GGT5: variants seen among roughly 807,000 people sequenced by gnomAD.
GGT5 encodes glutathione hydrolase 5 proenzyme.
GGT5 carries 50 observed loss-of-function variants against 58.1 expected under a neutral mutation model. That is an observed-to-expected ratio of 0.86 (90% CI 0.69 to 1.09). The LOEUF is 1.09. Ranked by LOEUF, GGT5 falls within the 50% of genes least tolerant of loss-of-function variation. The pLI, the probability that GGT5 is intolerant of heterozygous loss-of-function variation, is 0.00. For missense variants in GGT5, 800 were observed against 789.4 expected (o/e 1.01, Z -0.16); for synonymous variants, 370 against 346.1 (o/e 1.07, Z -0.77).
intron 1 of GGT5, among the ~76,000 whole-genome samples, chr22:24,237,653 T>C (rs8140559): frequency 0.5 from 75,699 of 151,692 alleles, 19,145 homozygotes; most frequent in Admixed American, 0.59. Flanking sequence ...GTGATCTGCC[T>C]GCCTTGGCCT....
chr22:24,225,525 G>T (rs201667511), intron 9 of GGT5, 21 bp downstream of exon 9: 1 of 1,593,478 alleles, frequency 6.3e-7, no homozygotes, highest in Non-Finnish European at 8.6e-7. Flanking sequence ...GTGGACCCCG[G>T]GTGGGAAGCT....
chr22:24,231,061 C>T (rs2047922326), intron 6 of GGT5, among the ~76,000 whole-genome samples: 1 of 152,188 alleles, frequency 6.6e-6, no homozygotes, highest in African/African-American at 2.4e-5. Flanking sequence ...AGGTGCACGC[C>T]CCTGACAGGC....
chr22:24,231,458 C>A lies in GGT5; in HGVS notation c.827G>T (p.Gly276Val). 6.4e-7 allele frequency: 1 copy of A among 1,571,632 alleles called. No homozygotes were observed. Reference sequence around the variant, plus strand: ...CGGTGGTGAGTACAGGGTATAGTCCCCCAGGGGCACCTCCAGGGCATCCAC... The same window carrying A: ...CGGTGGTGAGTACAGGGTATAGTCCACCAGGGGCACCTCCAGGGCATCCAC... ...EVVDALEVPL[G>V]DYTLYSPPPP... Residue 276 changes from glycine to valine, a missense_variant, in exon 6 of 12, where the codon GGG becomes GTG. Physicochemically the swap from Gly to Val is moderately radical, Grantham distance 109. Transcript: ENST00000327365.
At position 24,239,716 on chromosome 22, in the gene GGT5, G is replaced by A. The variant is rs553665581; in HGVS notation, c.173+4837C>T. Reference sequence around the variant, plus strand: ...ATATTTAAAATACACAAAAATATTAGCATATAAGTCACTGGGGGTAAATTT... The same window carrying A: ...ATATTTAAAATACACAAAAATATTAACATATAAGTCACTGGGGGTAAATTT... On this transcript the variant is annotated intron_variant, in intron 1 of 11. Transcript: ENST00000327365. Among the ~76,000 whole-genome samples the A allele has an allele frequency of 8.5e-5, 13 of 152,116 alleles. No individual in the cohort carries two copies. In the East Asian group the frequency reaches 2.5e-3, roughly 29 times the overall value.
Position 24,226,636 on chromosome 22 carries a change from G to C in GGT5, c.1033C>G (p.Leu345Val). The change falls in exon 7 of 12, where the codon CTC (leucine) becomes GTC (valine). Residue 345 changes from leucine (L) to valine (V), a missense_variant. Transcript: ENST00000327365. ...AGCAACCTCAGCAACCTCACCTGGAGCTTCGGGTGGCTTCGAGGGTCCCCC... is the reference window on the plus strand; with the variant it reads ...AGCAACCTCAGCAACCTCACCTGGACCTTCGGGTGGCTTCGAGGGTCCCCC... ...RLGDPRSHPK[L>V]QNASRDLLGE... 1 of 1,614,054 alleles carries C rather than the reference G, an allele frequency of 6.2e-7. No homozygotes were observed. Among genetic ancestry groups the C allele is most frequent in the Non-Finnish European group, 8.5e-7 (1 of 1,179,942 alleles).
intron 6 of GGT5, 32 bp from the exon 7 acceptor site, chr22:24,226,799 G>A: frequency 6.2e-7 from 1 of 1,610,014 alleles, no homozygotes. Flanking sequence ...GGTTGGTTGG[G>A]GTCACCCTAT....
At chr22:24,237,011 T>C (rs1255449503) in intron 1 of GGT5, among the ~76,000 whole-genome samples, 1 of 150,446 alleles carries the variant, frequency 6.6e-6, no homozygotes, top group Non-Finnish European at 1.5e-5. Flanking sequence ...TTCTCTCTTT[T>C]TTTTTTTTTT....
At position 24,236,632 on chromosome 22, in the gene GGT5, G is replaced by A. The variant is rs191602938; in HGVS notation, c.174-2628C>T. ...CAAAAAATTAGCTGGGCATGGTGGC[G>A]GGTGCCTGTAGTCCCAGCTACTCAG... On this transcript the variant is annotated intron_variant, in intron 1 of 11. Transcript: ENST00000327365. Among the ~76,000 whole-genome samples, 6 of 152,048 alleles carry A rather than the reference G, an allele frequency of 3.9e-5. No individual in the cohort carries two copies. In the East Asian group the frequency reaches 1.2e-3, roughly 29 times the overall value.
In GGT5 at chr22:24,226,703, A is replaced by G. The variant is rs771216765; in HGVS notation, c.966T>C (p.Leu322=). ...CCTTGGCAAACTTGAGCGTCTCTAC[A>G]AGGTGGTGGTACACGTTCACCCTCC... ...PEGRVNVYHH[L]VETLKFAKGQ... Residue 322 remains leucine, a synonymous_variant, in exon 7 of 12, where the codon CTT becomes CTC. Coordinates refer to ENST00000327365, the MANE Select transcript of GGT5 (RefSeq NM_004121.5). 3.1e-6 allele frequency: 5 copies of G among 1,613,714 alleles called. No individual in the cohort carries two copies. In the Admixed American group the frequency reaches 5.0e-5, roughly 16 times the overall value.
chr22:24,220,324 G>T (rs1027443318), intron 11 of GGT5, among the ~76,000 whole-genome samples: 1 of 152,198 alleles, frequency 6.6e-6, no homozygotes, highest in African/African-American at 2.4e-5. Context: ...CAGGGACTAT[G>T]TACGAAGGAC....
intron 4 of GGT5, 108 bp from the exon 5 acceptor site, chr22:24,232,316 T>G: frequency 1.7e-6 from 1 of 579,550 alleles, no homozygotes; most frequent in Non-Finnish European, 3.0e-6. Context: ...GGGGGCGCCC[T>G]GGCCCAGGGT....
At chr22:24,236,257 C>T (rs2048091302) in intron 1 of GGT5, among the ~76,000 whole-genome samples, 3 of 152,126 alleles carry the variant, frequency 2.0e-5, no homozygotes, top group African/African-American at 7.2e-5. Context: ...GACACAACCA[C>T]TCCCCCTTTT....
intron 1 of GGT5, among the ~76,000 whole-genome samples, chr22:24,237,174 T>C (rs2048123198): frequency 1.3e-5 from 2 of 152,144 alleles, no homozygotes; most frequent in African/African-American, 4.8e-5. Flanking sequence ...TAGCTGGGAC[T>C]ATAGGCGTGA....
intron 1 of GGT5, among the ~76,000 whole-genome samples, chr22:24,238,223 C>T (rs566646172): frequency 1.6e-5 from 2 of 126,704 alleles, no homozygotes; most frequent in Non-Finnish European, 3.2e-5. Flanking sequence ...AGTGAGGCTC[C>T]GTCTCAAAAA....
rs1163629417 is a variant in GGT5 at position 24,238,951 on chromosome 22, TATATATA to T, written c.174-4954_174-4948del. Reference sequence around the variant, plus strand: ...ATATATATTATATAATATATATATATATATATAATATATATATAGCCCATGACACAGT... The same window carrying T: ...ATATATATTATATAATATATATATATATATATATATAGCCCATGACACAGT... On this transcript the variant is annotated intron_variant, in intron 1 of 11. Transcript: ENST00000327365. 1.5e-4 allele frequency among the ~76,000 whole-genome samples: 6 copies of T among 39,154 alleles called. 1 individual carries two copies. The highest frequency in any genetic ancestry group is 2.0e-4 in the Non-Finnish European group (4 of 20,478). The allele number at this position is 39,154 out of a possible 152,430, so 25.7% of individuals were successfully genotyped here. A position where few individuals can be genotyped will look rare whatever the true frequency, so the allele number is the denominator to read the frequency against.
chr22:24,220,115 T>C lies in GGT5; in HGVS notation c.1616A>G (p.Glu539Gly). ...CVEYEPNFSQ[E>G]VQRGLQDRGQ... ...ACGGTCTTGGAGTCCCCTCTGCACC[T>C]CCTGGAGAGGAGAGAAAGCAGGTTC... Residue 539 changes from glutamate to glycine, a missense_variant and splice_region_variant, in exon 12 of 12, where the codon GAG becomes GGG. Transcript: ENST00000327365. 1 of 1,613,804 alleles carries C rather than the reference T, an allele frequency of 6.2e-7. No homozygotes were observed. Among genetic ancestry groups the C allele is most frequent in the Non-Finnish European group, 8.5e-7 (1 of 1,179,840 alleles).
At chr22:24,222,894 G>A (rs571365641) in intron 11 of GGT5, among the ~76,000 whole-genome samples, 30 of 151,288 alleles carry the variant, frequency 2.0e-4, no homozygotes, top group East Asian at 1.8e-3. Context: ...TGGCTAACAC[G>A]GTGAAACCCT....
At chr22:24,220,200 A>G in intron 11 of GGT5, 84 bp from the exon 12 acceptor site, 2 of 1,355,960 alleles carry the variant, frequency 1.5e-6, no homozygotes, top group Non-Finnish European at 2.0e-6. Flanking sequence ...GAAATGAGAA[A>G]AATGATCAAA....
intron 8 of GGT5, 23 bp downstream of exon 8, chr22:24,226,053 G>A (rs1199219634): frequency 7.3e-6 from 11 of 1,516,904 alleles, no homozygotes; most frequent in South Asian, 3.8e-5. Context: ...GAAGCCATCC[G>A]CCTTCCCCCA....
Sources: gnomAD v4.1 joint callset for allele counts (sites outside exome capture counted in the v4.1 genomes callset) on GRCh38, gnomAD v4.1.1 for gene constraint, MANE v1.5 for transcripts, NCBI Gene and HGNC (gene_info 2026-07-23, HGNC 2026-07-21) for gene names.